Variants in ZPLD1 observed in about 807,000 individuals in gnomAD.
The protein encoded by ZPLD1 is zona pellucida-like domain-containing protein 1.
ZPLD1 carries 34 observed loss-of-function variants against 47.2 expected under a neutral mutation model. That is an observed-to-expected ratio of 0.72 (90% confidence interval 0.55 to 0.96). The LOEUF (loss-of-function observed/expected upper bound fraction) is 0.96, where lower values mean the gene tolerates loss of function less well. ZPLD1 is among the 40% of genes least tolerant of loss of function. The pLI is 0.00. For synonymous variants in ZPLD1, 176 were observed against 186.2 expected, an observed-to-expected ratio of 0.95 and a Z score of 0.45; for missense variants, 512 against 505.8, an observed-to-expected ratio of 1.01 and a Z score of -0.12.
chr3:102,430,656 A>G (rs186996344), upstream of ZPLD1, among the ~76,000 whole-genome samples: 82 of 152,346 alleles, frequency 5.4e-4, no homozygotes, highest in African/African-American at 1.9e-3. Context: ...TTATATTGCC[A>G]TTATTCATTG....
upstream of ZPLD1, among the ~76,000 whole-genome samples, chr3:102,431,633 G>T (rs528515980): frequency 2.7e-4 from 41 of 152,304 alleles, no homozygotes; most frequent in African/African-American, 9.4e-4. Context: ...TTAGGGCCGG[G>T]CATGATGGCT....
chr3:102,401,176 T>C (rs1706615886), intron 7 of ZPLD1, among the ~76,000 whole-genome samples: 1 of 152,058 alleles, frequency 6.6e-6, no homozygotes, highest in Admixed American at 6.6e-5. Flanking sequence ...GAATGACATG[T>C]CAGCTACAAT....
At chr3:102,467,836 T>TACACACACACACACAC (rs61096565) in intron 8 of ZPLD1, among the ~76,000 whole-genome samples, 25 of 140,982 alleles carry the variant, frequency 1.8e-4, no homozygotes, top group African/African-American at 3.7e-4. Context: ...AATAAAACTG[T>TACACACACACACACAC]ACACACACAC....
chr3:102,407,952 G>A (rs796122218), intron 7 of ZPLD1, among the ~76,000 whole-genome samples: 3 of 151,856 alleles, frequency 2.0e-5, no homozygotes, highest in Admixed American at 6.6e-5. Flanking sequence ...CAGAGGCAAG[G>A]AGGAGCACCT....
intron 9 of ZPLD1, 96 bp downstream of exon 9, chr3:102,469,231 A>G: frequency 7.8e-7 from 1 of 1,280,120 alleles, no homozygotes; most frequent in South Asian, 1.5e-5. Context: ...GAAAGTGGAT[A>G]TGTGTTAGAT....
chr3:102,464,066 GA>G (rs1294470110), intron 7 of ZPLD1, 104 bp from the exon 8 acceptor site: 26 of 844,544 alleles, frequency 3.1e-5, no homozygotes, highest in Non-Finnish European at 5.0e-5. Context: ...AGAAAAGAAA[GA>G]AAGAAGGAAA....
At chr3:102,435,251 C>A in intron 1 of ZPLD1, 97 bp downstream of exon 1, 1 of 1,330,182 alleles carries the variant, frequency 7.5e-7, no homozygotes, top group East Asian at 2.3e-5. Flanking sequence ...GTCGTAAGCC[C>A]TGCCAAGACT....
At position 102,457,825 on chromosome 3, in the gene ZPLD1, T is replaced by C; in HGVS notation, c.554T>C (p.Val185Ala). The stretch of plus-strand genomic sequence containing the variant: ...GTGAGAGAGAACAATGGCACATTTG[T>C]CAGCACTTTGAACCTGCTCCTTTAT... ...ISVRENNGTF[V>A]STLNLLLYND... is the part of the protein sequence containing the mutation. Residue 185 changes from valine (V) to alanine (A), a missense_variant, in exon 6 of 12, where the codon GTC (valine) becomes GCC (alanine). Transcript: ENST00000466937. The C allele has an allele frequency of 6.2e-7, 1 of 1,614,002 alleles. No homozygotes were observed. Among genetic ancestry groups the C allele is most frequent in the Non-Finnish European group, 8.5e-7 (1 of 1,179,956 alleles).
intron 4 of ZPLD1, among the ~76,000 whole-genome samples, chr3:102,454,911 C>G (rs1707389545): frequency 6.6e-6 from 1 of 152,124 alleles, no homozygotes; most frequent in Admixed American, 6.5e-5. Context: ...TTTTCATAGA[C>G]AGAATTGGTT....
intron 3 of ZPLD1, among the ~76,000 whole-genome samples, chr3:102,444,900 G>A (rs1707234574): frequency 6.6e-6 from 1 of 152,144 alleles, no homozygotes; most frequent in African/African-American, 2.4e-5. Context: ...ACCGTACAGA[G>A]CCTCCTGCCT....
At chr3:102,465,365 T>C (rs1277134978) in intron 8 of ZPLD1, among the ~76,000 whole-genome samples, 1 of 152,202 alleles carries the variant, frequency 6.6e-6, no homozygotes, top group Non-Finnish European at 1.5e-5. Flanking sequence ...TGGTTGGCTT[T>C]CTCCTACCTT....
intron 3 of ZPLD1, among the ~76,000 whole-genome samples, chr3:102,447,452 A>C (rs1259971705): frequency 1.3e-5 from 2 of 152,226 alleles, no homozygotes; most frequent in Non-Finnish European, 2.9e-5. Context: ...TGATGAAGAA[A>C]TATCTTGAGT....
chr3:102,392,026 CCAAA>C (rs1480986771), intron 6 of ZPLD1: 8 of 152,150 alleles, frequency 5.3e-5, no homozygotes, highest in African/African-American at 1.9e-4. Flanking sequence ...AACCAATCAA[CCAAA>C]CAAACAACAA....
chr3:102,475,098 A>G (rs1707738325), intron 10 of ZPLD1, among the ~76,000 whole-genome samples: 1 of 151,952 alleles, frequency 6.6e-6, no homozygotes, highest in Admixed American at 6.6e-5. Context: ...AATTCCAAAT[A>G]GTATTCAAAT....
chr3:102,406,472 G>A (rs140383599), intron 7 of ZPLD1, among the ~76,000 whole-genome samples: 12 of 151,848 alleles, frequency 7.9e-5, no homozygotes, highest in Middle Eastern at 3.4e-3. Flanking sequence ...ATAGTTTTGG[G>A]GTCCTTTCCT....
chr3:102,449,324 A>T (rs1422792565), intron 3 of ZPLD1, among the ~76,000 whole-genome samples: 1 of 152,184 alleles, frequency 6.6e-6, no homozygotes, highest in Non-Finnish European at 1.5e-5. Flanking sequence ...TCTTTCTGTC[A>T]ATGTGGGTCA....
intron 2 of ZPLD1, among the ~76,000 whole-genome samples, chr3:102,437,648 G>A (rs1179939011): frequency 6.6e-6 from 1 of 152,124 alleles, no homozygotes. Context: ...AACTCTATCA[G>A]GCCAATGAAT....
At chr3:102,444,696 G>A (rs1256157977) in intron 3 of ZPLD1, among the ~76,000 whole-genome samples, 1 of 152,078 alleles carries the variant, frequency 6.6e-6, no homozygotes, top group Admixed American at 6.5e-5. Context: ...CGGAGCCCAG[G>A]ATGTAAATTA....
intron 8 of ZPLD1, among the ~76,000 whole-genome samples, chr3:102,419,888 A>G (rs1234508799): frequency 1.3e-5 from 2 of 150,044 alleles, no homozygotes; most frequent in Non-Finnish European, 1.5e-5. Context: ...TTTTTGGTTA[A>G]TTTACCAAAT....
Sources: allele counts gnomAD v4.1 joint callset (sites outside exome capture counted in the v4.1 genomes callset), GRCh38; gene constraint gnomAD v4.1.1; transcripts MANE v1.5; gene names NCBI Gene and HGNC (gene_info 2026-07-23, HGNC 2026-07-21).